Variants in NCAM2 observed in about 807,000 individuals in gnomAD.
NCAM2 encodes the protein N-CAM-2.
NCAM2 carries 30 observed loss-of-function variants against 98.1 expected under a neutral mutation model. The observed-to-expected ratio is 0.31, with a 90% confidence interval of 0.23 to 0.41. The LOEUF (loss-of-function observed/expected upper bound fraction) is 0.41, where lower values mean the gene tolerates loss of function less well. Among genes scored for constraint, NCAM2 ranks in the 10% least tolerant of loss-of-function variants. The pLI, the probability that NCAM2 is intolerant of heterozygous loss-of-function variation, is 1.00. For missense variants in NCAM2, 867 were observed against 1,005.8 expected, an observed-to-expected ratio of 0.86 and a Z score of 1.87; for synonymous variants, 368 against 342.4, an observed-to-expected ratio of 1.07 and a Z score of -0.83.
chr21:21,422,001 G>T (rs1309624944), intron 11 of NCAM2, among the ~76,000 whole-genome samples: 1 of 152,036 alleles, frequency 6.6e-6, no homozygotes, highest in Non-Finnish European at 1.5e-5. Flanking sequence ...AATGAGGTAG[G>T]CATCTGTGTA....
intron 8 of NCAM2, among the ~76,000 whole-genome samples, chr21:21,351,112 T>G (rs1276828233): frequency 3.1e-5 from 2 of 64,382 alleles, no homozygotes; most frequent in Non-Finnish European, 5.4e-5. Flanking sequence ...AGCGAGACTC[T>G]GTCTCAAAAA....
chr21:21,110,740 A>G (rs1212523198), intron 1 of NCAM2, among the ~76,000 whole-genome samples: 2 of 151,966 alleles, frequency 1.3e-5, no homozygotes, highest in African/African-American at 4.8e-5. Flanking sequence ...CTACCAGTAG[A>G]CATTGTCCTT....
At chr21:21,398,759 T>C (rs139121148) in intron 9 of NCAM2, among the ~76,000 whole-genome samples, 2 of 152,278 alleles carry the variant, frequency 1.3e-5, no homozygotes, top group East Asian at 3.9e-4. Flanking sequence ...ATACTAAATA[T>C]TGAGAGACAT....
At chr21:21,338,341 TA>T (rs756180087) in intron 7 of NCAM2, 47 bp from the exon 8 acceptor site, 6 of 1,545,572 alleles carry the variant, frequency 3.9e-6, no homozygotes, top group Middle Eastern at 1.9e-4. Flanking sequence ...GTCTGAGAAG[TA>T]ATATTTTCCT....
chr21:21,318,159 T>C (rs559193655), intron 5 of NCAM2, among the ~76,000 whole-genome samples: 19 of 152,320 alleles, frequency 1.2e-4, no homozygotes, highest in African/African-American at 4.1e-4. Flanking sequence ...TGAAATACTC[T>C]GAGGGCCTTT....
intron 1 of NCAM2, among the ~76,000 whole-genome samples, chr21:21,130,734 ATT>A (rs5842894): frequency 9.2e-5 from 14 of 151,914 alleles, no homozygotes; most frequent in Middle Eastern, 3.4e-3. Flanking sequence ...TAAATTACCA[ATT>A]TTTTTTTGGT....
intron 5 of NCAM2, among the ~76,000 whole-genome samples, chr21:21,302,695 C>T (rs1328547130): frequency 2.0e-5 from 3 of 152,150 alleles, no homozygotes; most frequent in East Asian, 1.9e-4. Context: ...AGTTTGGAGA[C>T]TTCTTAAGAA....
intron 1 of NCAM2, among the ~76,000 whole-genome samples, chr21:21,214,486 C>G (rs546410844): frequency 2.1e-4 from 32 of 151,838 alleles, no homozygotes; most frequent in Non-Finnish European, 4.4e-4. Flanking sequence ...TTTCTTCTTA[C>G]CAATCCAAGT....
chr21:21,006,119 G>T (rs903526074), intron 1 of NCAM2, among the ~76,000 whole-genome samples: 1 of 152,024 alleles, frequency 6.6e-6, no homozygotes, highest in Non-Finnish European at 1.5e-5. Context: ...GATATGATTC[G>T]GTCTTTTTTG....
At chr21:21,100,479 T>C (rs948734690) in intron 1 of NCAM2, among the ~76,000 whole-genome samples, 2 of 151,886 alleles carry the variant, frequency 1.3e-5, no homozygotes, top group African/African-American at 4.8e-5. Flanking sequence ...CCAGAAAACA[T>C]GATGCCGTGT....
intron 15 of NCAM2, among the ~76,000 whole-genome samples, chr21:21,483,550 A>G (rs1385292478): frequency 6.6e-6 from 1 of 152,092 alleles, no homozygotes; most frequent in Admixed American, 6.5e-5. Flanking sequence ...ATGAACAGAA[A>G]ACAACTTTCA....
chr21:21,386,173 A>G (rs1423566106), intron 9 of NCAM2, among the ~76,000 whole-genome samples: 2 of 152,170 alleles, frequency 1.3e-5, no homozygotes, highest in African/African-American at 4.8e-5. Context: ...CAGTGGATGT[A>G]CATTCTCTAT....
rs79445473 is a variant in NCAM2 at position 21,039,159 on chromosome 21, G to A, written c.55+40541G>A. 8.2e-4 allele frequency among the ~76,000 whole-genome samples: 124 copies of A among 152,080 alleles called. 2 individuals carry two copies. In the East Asian group the frequency reaches 0.018, roughly 22 times the overall value. ...ACTTATTTCTTCTAACTATATGTTT[G>A]CACCCATTAACCAACCTCTCTTTAT... is the stretch of plus-strand genomic sequence containing the variant. On this transcript the variant is annotated intron_variant, in intron 1 of 17. Transcript: ENST00000400546.
chr21:21,288,320 A>G (rs565983733), intron 4 of NCAM2, among the ~76,000 whole-genome samples: 1 of 151,900 alleles, frequency 6.6e-6, no homozygotes, highest in East Asian at 1.9e-4. Flanking sequence ...AATAAAATAT[A>G]TGGCTATATA....
chr21:21,459,465 A>G (rs1982637190), intron 12 of NCAM2, among the ~76,000 whole-genome samples: 1 of 148,458 alleles, frequency 6.7e-6, no homozygotes. Flanking sequence ...TATAATATAT[A>G]TACACACATA....
intron 12 of NCAM2, among the ~76,000 whole-genome samples, chr21:21,457,053 A>G (rs2146170920): frequency 6.6e-6 from 1 of 152,270 alleles, no homozygotes; most frequent in African/African-American, 2.4e-5. Context: ...TCTAACAAAT[A>G]CCTGAAAATG....
At chr21:21,339,872 G>T (rs1425549497) in intron 8 of NCAM2, among the ~76,000 whole-genome samples, 1 of 151,356 alleles carries the variant, frequency 6.6e-6, no homozygotes, top group Admixed American at 6.6e-5. Context: ...CCTCATAATG[G>T]CATTTTAAGA....
chr21:21,250,505 T>A (rs1282791879), intron 1 of NCAM2, among the ~76,000 whole-genome samples: 1 of 152,138 alleles, frequency 6.6e-6, no homozygotes, highest in African/African-American at 2.4e-5. Flanking sequence ...AAATTATAAA[T>A]ATATGCAACA....
chr21:21,475,536 A>C (rs1450494160), intron 14 of NCAM2, among the ~76,000 whole-genome samples: 1 of 152,170 alleles, frequency 6.6e-6, no homozygotes, highest in Non-Finnish European at 1.5e-5. Flanking sequence ...TGCCCTAAGC[A>C]TTTCAAAATT....
Sources: allele counts gnomAD v4.1 joint callset (sites outside exome capture counted in the v4.1 genomes callset), GRCh38; gene constraint gnomAD v4.1.1; transcripts MANE v1.5; gene names NCBI Gene and HGNC (gene_info 2026-07-23, HGNC 2026-07-21).